Variants in KCND3 observed in about 807,000 individuals in gnomAD.
The protein encoded by KCND3 is potassium voltage-gated channel subfamily D member 3.
KCND3 carries 9 observed loss-of-function variants against 51.1 expected under a neutral mutation model. The ratio of observed to expected loss-of-function variants is 0.18; its 90% CI spans 0.11 to 0.31. KCND3 has a LOEUF of 0.31. Ranked by LOEUF, KCND3 falls within the 10% of genes least tolerant of loss-of-function variation. KCND3 has a pLI of 1.00. For synonymous variants in KCND3, 349 were observed against 368.0 expected, an observed-to-expected ratio of 0.95 and a Z score of 0.59; for missense variants, 526 against 903.8, an observed-to-expected ratio of 0.58 and a Z score of 5.36.
At chr1:111,828,631 A>G (rs777615368) in intron 2 of KCND3, among the ~76,000 whole-genome samples, 4 of 152,126 alleles carry the variant, frequency 2.6e-5, no homozygotes, top group Non-Finnish European at 5.9e-5. Flanking sequence ...CTGTTACCCC[A>G]GGTGAGCTCT....
intron 1 of KCND3, among the ~76,000 whole-genome samples, chr1:111,983,640 C>T (rs556665123): frequency 3.3e-5 from 5 of 152,214 alleles, no homozygotes; most frequent in African/African-American, 1.2e-4. Flanking sequence ...AGCCGATCCG[C>T]GCTCACTGCC....
chr1:111,869,266 G>A (rs1668729643), intron 2 of KCND3, among the ~76,000 whole-genome samples: 1 of 152,184 alleles, frequency 6.6e-6, no homozygotes, highest in African/African-American at 2.4e-5. Flanking sequence ...CAAGCTGTCA[G>A]AATTATCAGA....
At chr1:111,906,235 G>A (rs1670644203) in intron 2 of KCND3, among the ~76,000 whole-genome samples, 1 of 152,202 alleles carries the variant, frequency 6.6e-6, no homozygotes, top group Non-Finnish European at 1.5e-5. Context: ...ATGCTTTAAA[G>A]TGCATGTGGT....
intron 2 of KCND3, among the ~76,000 whole-genome samples, chr1:111,948,114 G>T (rs1198153868): frequency 1.3e-5 from 2 of 152,232 alleles, no homozygotes; most frequent in South Asian, 2.1e-4. Context: ...TCCTATCTGT[G>T]TGCTTTGGGG....
intron 2 of KCND3, among the ~76,000 whole-genome samples, chr1:111,800,063 G>A (rs1470140535): frequency 6.6e-6 from 1 of 150,680 alleles, no homozygotes; most frequent in African/African-American, 2.4e-5. Context: ...CATTGAGAAC[G>A]GGCCAGGATG....
chr1:111,826,588 G>A lies in KCND3; in HGVS notation c.1107-39482C>T, dbSNP rs554043721. On this transcript the variant is annotated intron_variant, in intron 2 of 7. Transcript: ENST00000302127. Reference sequence around the variant, plus strand: ...GGCTCAGGGCTCTTAATCTTTCTACGTTTAATGCTTATTTGGGTCAAGAGG... The same window carrying A: ...GGCTCAGGGCTCTTAATCTTTCTACATTTAATGCTTATTTGGGTCAAGAGG... Among the ~76,000 whole-genome samples, 177 of 152,192 alleles carry A rather than the reference G, an allele frequency of 1.2e-3. 4 individuals are homozygous for A. The highest frequency in any genetic ancestry group is 0.01 in the South Asian group (50 of 4,812).
chr1:111,929,044 T>G (rs1671837701), intron 2 of KCND3, among the ~76,000 whole-genome samples: 1 of 152,266 alleles, frequency 6.6e-6, no homozygotes, highest in Non-Finnish European at 1.5e-5. Context: ...GGGATTTTTC[T>G]GATTAATGCA....
rs113204231 is a variant in KCND3 at position 111,940,607 on chromosome 1, C to T, written c.1106+41014G>A. Among the ~76,000 whole-genome samples the T allele has an allele frequency of 2.0e-5, 3 of 152,272 alleles. No homozygotes were observed. The East Asian group carries it at 5.8e-4, about 29-fold the overall frequency. On this transcript the variant is annotated intron_variant, in intron 2 of 7. Coordinates refer to ENST00000302127, the MANE Select transcript of KCND3 (RefSeq NM_001378969.1). ...CTATGTATCTGCTTTGGTACCAGTA[C>T]CATGCTGCTTTGCTTACTGTAGCCT...
intron 1 of KCND3, among the ~76,000 whole-genome samples, chr1:111,985,726 A>G (rs1384234448): frequency 6.6e-6 from 1 of 152,220 alleles, no homozygotes; most frequent in Non-Finnish European, 1.5e-5. Context: ...CGAGTTTTCT[A>G]AAGAAGCCAA....
chr1:111,809,339 C>T (rs60162283), intron 2 of KCND3, among the ~76,000 whole-genome samples: 18,134 of 150,872 alleles, frequency 0.12, 1,350 homozygotes, highest in East Asian at 0.35. Context: ...GACAGAGTCT[C>T]GCTCTGTCCC....
rs1379865558 is a variant in KCND3, at chr1:111,982,578, C to T, written c.149G>A (p.Arg50Lys). 1 of 1,612,566 alleles carries T rather than the reference C, an allele frequency of 6.2e-7. No individual in the cohort carries two copies. Among genetic ancestry groups the T allele is most frequent in the African/African-American group, 1.3e-5 (1 of 74,908 alleles). ...CAGCGTGGTCCTCCAGGTCTGGAAC[C>T]TCCGCCCACTCACGTTGAGGACAAT... Reference protein sequence around the residue: ...ELIVLNVSGRRFQTWRTTLER... With the variant: ...ELIVLNVSGRKFQTWRTTLER... Residue 50 changes from arginine to lysine, a missense_variant, in exon 2 of 8, where the codon AGG becomes AAG. By Grantham distance (26) the Arg-to-Lys change is conservative. Around this residue, in one of 5 missense-constraint regions of KCND3, gnomAD observed 159 missense variants for 262.8 expected, o/e 0.61. Transcript: ENST00000302127. The surrounding 1 kb of genome is among the most constrained non-coding windows in gnomAD (Gnocchi z 8.5).
At chr1:111,815,146 T>C (rs1280710998) in intron 2 of KCND3, among the ~76,000 whole-genome samples, 2 of 152,096 alleles carry the variant, frequency 1.3e-5, no homozygotes, top group East Asian at 1.9e-4. Context: ...TGGTAGAACC[T>C]GGACTAGAAT....
In KCND3 at chr1:111,771,644, TAAG is replaced by T. The variant is rs1663909879; in HGVS notation, c.*4430_*4432del. On this transcript the variant is annotated 3_prime_UTR_variant, in exon 8 of 8. Transcript: ENST00000302127. Reference sequence around the variant, plus strand: ...TACATTTTCCTTGTCTACAATCTAATAAGTGATATCCTGAACTGTAGGAATCAT... The same window carrying T: ...TACATTTTCCTTGTCTACAATCTAATTGATATCCTGAACTGTAGGAATCAT... 6.6e-6 allele frequency: 1 copy of T among 152,190 alleles called. No individual in the cohort carries two copies. Among genetic ancestry groups the T allele is most frequent in the Admixed American group, 6.5e-5 (1 of 15,278 alleles). The allele number at this position is 152,190 out of a possible 1,614,324, so 9.4% of individuals were successfully genotyped here. A position where few individuals can be genotyped will look rare whatever the true frequency, so the allele number is the denominator to read the frequency against.
chr1:111,798,554 G>A (rs1318073727), intron 2 of KCND3, among the ~76,000 whole-genome samples: 1 of 151,938 alleles, frequency 6.6e-6, no homozygotes, highest in Non-Finnish European at 1.5e-5. Flanking sequence ...ATGCCAAGTA[G>A]GGACTCAATT....
At position 111,967,190 on chromosome 1, in the gene KCND3, G is replaced by A. The variant is rs555267227; in HGVS notation, c.1106+14431C>T. On this transcript the variant is annotated intron_variant, in intron 2 of 7. Coordinates refer to ENST00000302127, the MANE Select transcript of KCND3 (RefSeq NM_001378969.1). ...AAAAAAACAAAACAAAAACGGGGTCGGGGGGTAAACTCCCCATCCCTGGAA... is the reference window on the plus strand; with the variant it reads ...AAAAAAACAAAACAAAAACGGGGTCAGGGGGTAAACTCCCCATCCCTGGAA... Among the ~76,000 whole-genome samples the A allele has an allele frequency of 1.3e-4, 19 of 151,428 alleles. No individual in the cohort carries two copies. In the East Asian group the frequency reaches 3.1e-3, roughly 25 times the overall value.
intron 2 of KCND3, among the ~76,000 whole-genome samples, chr1:111,804,889 T>A (rs1440136053): frequency 6.6e-6 from 1 of 152,222 alleles, no homozygotes; most frequent in African/African-American, 2.4e-5. Flanking sequence ...CCTTGACTGC[T>A]GCCCTTCAGT....
At chr1:111,796,902 T>C (rs1665079493) in intron 2 of KCND3, among the ~76,000 whole-genome samples, 2 of 152,186 alleles carry the variant, frequency 1.3e-5, no homozygotes. Context: ...TGTGGTTTGC[T>C]GTGGCTTGTA....
At chr1:111,838,306 C>G (rs1232982751) in intron 2 of KCND3, among the ~76,000 whole-genome samples, 1 of 152,208 alleles carries the variant, frequency 6.6e-6, no homozygotes, top group African/African-American at 2.4e-5. Flanking sequence ...CTGTATGCAA[C>G]TGGTAATTTA....
rs150681824 is a variant in KCND3 at position 111,930,327 on chromosome 1, C to A, written c.1106+51294G>T. On this transcript the variant is annotated intron_variant, in intron 2 of 7. Coordinates refer to ENST00000302127, the MANE Select transcript of KCND3 (RefSeq NM_001378969.1). ...ATATACTGCACAGAGTGCTGAACTC[C>A]AGCACACCCAAAGGCAGAGGGCCTT... 7.3e-3 allele frequency among the ~76,000 whole-genome samples: 1,118 copies of A among 152,290 alleles called. 15 individuals are homozygous for A. The highest frequency in any genetic ancestry group is 0.025 in the African/African-American group (1,041 of 41,548).
Sources: gnomAD v4.1 joint callset for allele counts (sites outside exome capture counted in the v4.1 genomes callset) on GRCh38, gnomAD v4.1.1 for gene constraint, gnomAD v4.1.1 regional missense constraint, Gnocchi (gnomAD v3.1) non-coding constraint, MANE v1.5 for transcripts, NCBI Gene and HGNC (gene_info 2026-07-23, HGNC 2026-07-21) for gene names.